Variants in SPTBN5 observed in about 807,000 individuals in gnomAD.
SPTBN5 encodes spectrin beta chain, non-erythrocytic 5.
A neutral mutation model predicts 477.6 loss-of-function variants in SPTBN5; 513 were observed. That is an observed-to-expected ratio of 1.07 (90% CI 1.00 to 1.16). The LOEUF (loss-of-function observed/expected upper bound fraction) is 1.16, where lower values mean the gene tolerates loss of function less well. Ranked by LOEUF, SPTBN5 falls within the 50% of genes most tolerant of loss-of-function variation. SPTBN5 has a pLI of 0.00. For missense variants in SPTBN5, 5,062 were observed against 4,731.8 expected (o/e 1.07, Z -2.05); for synonymous variants, 2,169 against 2,011.7 (o/e 1.08, Z -2.09).
At position 41,883,226 on chromosome 15, in the gene SPTBN5, C is replaced by G; in HGVS notation, c.1662G>C (p.Glu554Asp). 3.7e-6 allele frequency: 6 copies of G among 1,609,124 alleles called. No individual in the cohort carries two copies. The highest frequency in any genetic ancestry group is 5.1e-6 in the Non-Finnish European group (6 of 1,178,004). Residue 554 changes from glutamate to aspartate, a missense_variant and splice_region_variant, in exon 9 of 68, where the codon GAG becomes GAC. Physicochemically the swap from Glu to Asp is conservative, Grantham distance 45. Transcript: ENST00000320955. ...AASHQLEELQ[E>D]PARSTACGQQ... is the part of the protein sequence containing the mutation. ...GCCCACAGGCGGTGGACCTGGCCGG[C>G]TCCTGGCCAGAGATGATGGTCATTG...
Position 41,874,933 on chromosome 15 carries a change from G to C in SPTBN5, c.4411C>G (p.Leu1471Val), listed in dbSNP as rs770325002. 6.2e-7 allele frequency: 1 copy of C among 1,613,530 alleles called. No homozygotes were observed. Among genetic ancestry groups the C allele is most frequent in the South Asian group, 1.1e-5 (1 of 91,080 alleles). The change falls in exon 23 of 68, where the codon CTG becomes GTG. Residue 1471 changes from leucine to valine, a missense_variant. Coordinates refer to ENST00000320955, the MANE Select transcript of SPTBN5 (RefSeq NM_016642.4). ...GCGAGGGCAGCCATCTTGGCAGCCA[G>C]GGTCCGGCTCTCACTCTCCAGCTGT... ...HQQLESESRT[L>V]AAKMAALASM... is the part of the protein sequence containing the mutation.
chr15:41,875,721 G>T (rs935589998), intron 21 of SPTBN5, 99 bp from the exon 22 acceptor site: 1 of 1,250,394 alleles, frequency 8.0e-7, no homozygotes, highest in South Asian at 1.5e-5. Flanking sequence ...GTGAGGGGGT[G>T]ACCACAGCTG....
At chr15:41,882,186 G>C (rs1444847835) in intron 11 of SPTBN5, 41 bp from the exon 12 acceptor site, 9 of 1,500,720 alleles carry the variant, frequency 6.0e-6, no homozygotes, top group Non-Finnish European at 8.0e-6. Context: ...GAAGGGGCGC[G>C]GCTGAGCGCG....
In SPTBN5 at chr15:41,852,227, T is replaced by C. The variant is rs556880868; in HGVS notation, c.10539A>G (p.Gly3513=). ...SLTSFQWRPS[G]HQGLGAQLAE... is the part of the protein sequence containing the mutation. ...CCAGCTGTGCTCCTAGCCCCTGGTG[T>C]CCAGAGGGCCTCCACTGAAAGGATG... Residue 3513 remains glycine (G), a synonymous_variant, in exon 62 of 68, where the codon GGA becomes GGG. Coordinates refer to ENST00000320955, the MANE Select transcript of SPTBN5 (RefSeq NM_016642.4). 16 of 1,610,536 alleles carry C rather than the reference T, an allele frequency of 9.9e-6. No homozygotes were observed. In the East Asian group the frequency reaches 2.9e-4, roughly 29 times the overall value.
chr15:41,854,851 G>T lies in SPTBN5; in HGVS notation c.9549C>A (p.Ile3183=). The T allele has an allele frequency of 6.2e-7, 1 of 1,608,600 alleles. No individual in the cohort carries two copies. Among genetic ancestry groups the T allele is most frequent in the Non-Finnish European group, 8.5e-7 (1 of 1,177,324 alleles). ...ERGAPRRYPH[I]QAQRSRIEAA... ...CCTCAATGCGGCTCCTCTGGGCTTG[G>T]ATGTGGGGATAGCGCCTGGGTGCAC... The change falls in exon 56 of 68, where the codon ATC becomes ATA. Residue 3183 remains isoleucine (I), a synonymous_variant. Coordinates refer to ENST00000320955, the MANE Select transcript of SPTBN5 (RefSeq NM_016642.4).
In SPTBN5 at chr15:41,852,258, G is replaced by T; in HGVS notation, c.10508C>A (p.Ser3503Ter). Reference sequence around the variant, plus strand: ...GGGCCTCCACTGAAAGGATGTCAGCGAGCTGCCAGCTCTCCCGGGCTTCAG... The same window carrying T: ...GGGCCTCCACTGAAAGGATGTCAGCTAGCTGCCAGCTCTCCCGGGCTTCAG... ...QELKPGRAGS[S>*]LTSFQWRPSG... is the part of the protein sequence containing the mutation. The change falls in exon 62 of 68, where the codon TCG (serine) becomes TAG (stop). Residue 3503 changes from serine to a stop codon, truncating the protein, a stop_gained. Transcript: ENST00000320955. LOFTEE classifies it high-confidence loss of function. The T allele has an allele frequency of 6.2e-7, 1 of 1,609,236 alleles. No individual in the cohort carries two copies.
chr15:41,882,951 C>T (rs970873075), intron 9 of SPTBN5, 45 bp downstream of exon 9: 2 of 1,506,814 alleles, frequency 1.3e-6, no homozygotes, highest in African/African-American at 1.4e-5. Flanking sequence ...ATTTGGGTTA[C>T]AGAAAAGTTC....
chr15:41,854,309 A>G, intron 56 of SPTBN5, 104 bp from the exon 57 acceptor site: 2 of 1,325,824 alleles, frequency 1.5e-6, no homozygotes, highest in South Asian at 2.8e-5. Flanking sequence ...AACAAGGAGG[A>G]TCATGGGGCT....
chr15:41,871,249 G>A, intron 29 of SPTBN5, 126 bp downstream of exon 29: 1 of 1,139,722 alleles, frequency 8.8e-7, no homozygotes, highest in East Asian at 3.2e-5. Context: ...GCCCCCTGCA[G>A]AGCCCCGTGG....
intron 67 of SPTBN5, among the ~76,000 whole-genome samples, 185 bp downstream of exon 67, chr15:41,849,684 G>A (rs1258809215): frequency 6.6e-6 from 1 of 152,288 alleles, no homozygotes; most frequent in East Asian, 1.9e-4. Context: ...GTGGAAATCT[G>A]GGCTTTGTGG....
rs2066144526 is a variant in SPTBN5, at chr15:41,862,449, A to T, written c.7385+90T>A. 3.3e-6 allele frequency: 5 copies of T among 1,528,250 alleles called. No individual in the cohort carries two copies. The South Asian group carries it at 3.8e-5, about 11-fold the overall frequency. The allele number at this position is 1,528,250 out of a possible 1,614,324, so 94.7% of individuals were successfully genotyped here. A position where few individuals can be genotyped will look rare whatever the true frequency, so the allele number is the denominator to read the frequency against. ...ACAGTTATTTGAAGGGTGGAGAAGG[A>T]ATCCTAGGGGAACACAGGGGCTGAG... On this transcript the variant is annotated intron_variant, in intron 43 of 67. Transcript: ENST00000320955.
chr15:41,870,606 C>T (rs371416967), intron 29 of SPTBN5, 46 bp from the exon 30 acceptor site: 153 of 1,510,842 alleles, frequency 1.0e-4, no homozygotes, highest in East Asian at 4.6e-4. Context: ...GCTGCCGGGC[C>T]GTGTCATTCC....
intron 57 of SPTBN5, 80 bp downstream of exon 57, chr15:41,853,970 G>A (rs1180699278): frequency 2.7e-6 from 4 of 1,481,644 alleles, no homozygotes; most frequent in Non-Finnish European, 3.6e-6. Context: ...AGGCTGGGGT[G>A]GGAGGGCTGA....
chr15:41,870,556 C>G lies in SPTBN5; in HGVS notation c.5452G>C (p.Ala1818Pro). 4 of 1,606,522 alleles carry G rather than the reference C, an allele frequency of 2.5e-6. No individual in the cohort carries two copies. Among genetic ancestry groups the G allele is most frequent in the Middle Eastern group, 1.7e-4 (1 of 6,050 alleles). ...GTCAGCTCCCACAGCTCCGACCAGG[C>G]GGTCCTGCCCACGGCGTGTGGAAGA... ...VRQRQQDLQT[A>P]WSELWELTQA... is the part of the protein sequence containing the mutation. Residue 1818 changes from alanine (A) to proline (P), a missense_variant, in exon 30 of 68, where the codon GCC becomes CCC. Physicochemically the swap from Ala to Pro is conservative, Grantham distance 27 (BLOSUM62 -1). Transcript: ENST00000320955.
rs2067352282 is a variant in SPTBN5, at chr15:41,892,815, A to G, written c.384+79T>C. On this transcript the variant is annotated intron_variant, in intron 3 of 67. Transcript: ENST00000320955. ...TCTGTTCTGCCCAGTGGCCTGGCGC[A>G]GGAAAGGTGACCCAGTAGTTCAGCC... The G allele has an allele frequency of 2.0e-6, 3 of 1,472,112 alleles. No individual in the cohort carries two copies. The Admixed American group carries it at 6.7e-5, about 33-fold the overall frequency. The allele number at this position is 1,472,112 out of a possible 1,614,324, so 91.2% of individuals were successfully genotyped here. A position where few individuals can be genotyped will look rare whatever the true frequency, so the allele number is the denominator to read the frequency against.
At chr15:41,893,144 A>G in intron 2 of SPTBN5, 83 bp from the exon 3 acceptor site, 1 of 1,572,402 alleles carries the variant, frequency 6.4e-7, no homozygotes, top group Non-Finnish European at 8.6e-7. Flanking sequence ...TACGACCCAG[A>G]GCAGCTGCTT....
Position 41,871,463 on chromosome 15 carries a change from C to A in SPTBN5, c.5359G>T (p.Val1787Leu). 3.9e-6 allele frequency: 6 copies of A among 1,538,870 alleles called. No homozygotes were observed. Among genetic ancestry groups the A allele is most frequent in the Non-Finnish European group, 5.3e-6 (6 of 1,140,934 alleles). ...QHQVEMGSQR[V>L]AACRLLAESL... ...TCCGCCAGCAGCCGGCAGGCGGCCACCCGCTGGCTGCCCATCTCCACTTGG... is the reference window on the plus strand; with the variant it reads ...TCCGCCAGCAGCCGGCAGGCGGCCAACCGCTGGCTGCCCATCTCCACTTGG... The change falls in exon 29 of 68, where the codon GTG (valine) becomes TTG (leucine). Residue 1787 changes from valine (V) to leucine (L), a missense_variant. Transcript: ENST00000320955.
intron 47 of SPTBN5, among the ~76,000 whole-genome samples, chr15:41,860,284 C>T (rs963730306): frequency 5.3e-5 from 8 of 152,226 alleles, no homozygotes; most frequent in Non-Finnish European, 7.3e-5. Flanking sequence ...CTGTGCCCTG[C>T]GACCTTCCGT....
Position 41,859,051 on chromosome 15 carries a change from C to T in SPTBN5, c.7989-71G>A, listed in dbSNP as rs1443329743. 8.1e-6 allele frequency: 10 copies of T among 1,241,404 alleles called. No homozygotes were observed. In the Admixed American group the frequency reaches 1.5e-4, roughly 19 times the overall value. 76.9% of individuals were successfully genotyped at this position (1,241,404 alleles called of 1,614,324 possible). A position where few individuals can be genotyped will look rare whatever the true frequency, so the allele number is the denominator to read the frequency against. On this transcript the variant is annotated intron_variant, in intron 47 of 67. Coordinates refer to ENST00000320955, the MANE Select transcript of SPTBN5 (RefSeq NM_016642.4). ...AGGTGGGGTGCCCGTCCAGCCTAGG[C>T]TTTCTCGGGTATGAATATACTCTGA...
Sources: gnomAD v4.1 joint callset for allele counts (sites outside exome capture counted in the v4.1 genomes callset) on GRCh38, gnomAD v4.1.1 for gene constraint, MANE v1.5 for transcripts, NCBI Gene and HGNC (gene_info 2026-07-23, HGNC 2026-07-21) for gene names.